Variants in NDUFA10 observed in about 807,000 individuals in gnomAD.
NDUFA10 encodes the protein NADH:ubiquinone oxidoreductase subunit A10.
Under a neutral mutation model 47.8 loss-of-function variants are expected in NDUFA10, and 40 were observed. That is an observed-to-expected ratio of 0.84 (90% CI 0.65 to 1.09). The LOEUF is 1.09. Ranked by LOEUF, NDUFA10 falls within the 50% of genes least tolerant of loss-of-function variation. The probability of loss-of-function intolerance (pLI) is 0.00; values close to 1 mark genes in which losing one functional copy is unlikely to be tolerated. For synonymous variants in NDUFA10, 183 were observed against 172.2 expected (o/e 1.06, Z -0.49); for missense variants, 413 against 451.1 (o/e 0.92, Z 0.76).
At chr2:239,965,106 C>T (rs556694023) in intron 9 of NDUFA10, among the ~76,000 whole-genome samples, 13 of 152,256 alleles carry the variant, frequency 8.5e-5, no homozygotes, top group South Asian at 4.1e-4. Context: ...TTCATCTTTG[C>T]AAATAGAATT....
chr2:239,986,011 G>A (rs930547273), intron 9 of NDUFA10, among the ~76,000 whole-genome samples: 1 of 151,518 alleles, frequency 6.6e-6, no homozygotes, highest in Non-Finnish European at 1.5e-5. Context: ...AGACGCACAT[G>A]CACACCTACT....
At chr2:240,017,827 G>A (rs569957118) in intron 4 of NDUFA10, 29 of 1,561,112 alleles carry the variant, frequency 1.9e-5, no homozygotes, top group South Asian at 4.7e-5. Flanking sequence ...GGCTTGCTTC[G>A]GCCTCCTCTT....
At chr2:239,963,167 C>G (rs1339715433) in intron 9 of NDUFA10, among the ~76,000 whole-genome samples, 1 of 152,174 alleles carries the variant, frequency 6.6e-6, no homozygotes, top group African/African-American at 2.4e-5. Flanking sequence ...AAAGAAAAAC[C>G]CAGCTCCTTC....
intron 6 of NDUFA10, among the ~76,000 whole-genome samples, chr2:240,010,215 CAGATA>C (rs1198233098): frequency 2.0e-5 from 3 of 152,190 alleles, no homozygotes; most frequent in African/African-American, 7.2e-5. Context: ...CTTGAGCTGT[CAGATA>C]AGATCTACTT....
intron 4 of NDUFA10, among the ~76,000 whole-genome samples, chr2:239,915,104 T>TAC (rs879260835): frequency 1.0e-5 from 1 of 95,890 alleles, no homozygotes. Context: ...TACACAAACA[T>TAC]ACACACACAC....
downstream of NDUFA10, among the ~76,000 whole-genome samples, chr2:239,954,964 C>T (rs1042953631): frequency 2.6e-5 from 4 of 152,190 alleles, no homozygotes; most frequent in African/African-American, 4.8e-5. Context: ...CTGTTGGCAA[C>T]GGGGATTTCT....
intron 4 of NDUFA10, among the ~76,000 whole-genome samples, chr2:239,934,260 G>A (rs571611498): frequency 2.6e-5 from 4 of 152,292 alleles, no homozygotes; most frequent in African/African-American, 9.6e-5. Flanking sequence ...CCTCCCACAT[G>A]TGATGACACC....
At chr2:239,963,010 A>C (rs922367223) in intron 9 of NDUFA10, among the ~76,000 whole-genome samples, 1 of 152,166 alleles carries the variant, frequency 6.6e-6, no homozygotes, top group African/African-American at 2.4e-5. Context: ...TGAGATCTGG[A>C]GGGACAGACA....
At chr2:240,005,684 G>A (rs772999153) in intron 7 of NDUFA10, among the ~76,000 whole-genome samples, 3 of 150,986 alleles carry the variant, frequency 2.0e-5, no homozygotes, top group Non-Finnish European at 4.4e-5. Flanking sequence ...TACATTATAA[G>A]CTATGAATAT....
Position 240,014,766 on chromosome 2 carries a change from G to C in NDUFA10, c.642C>G (p.Val214=). 1 of 1,614,172 alleles carries C rather than the reference G, an allele frequency of 6.2e-7. No individual in the cohort carries two copies. The highest frequency in any genetic ancestry group is 8.5e-7 in the Non-Finnish European group (1 of 1,180,032). ...VIYIDVPVPE[V]QRRIQKKGDP... ...CTCCTTTCTTCTGAATCCGCCTCTGGACCTCTGGAACGGGCACATCGATGT... is the reference window on the plus strand; with the variant it reads ...CTCCTTTCTTCTGAATCCGCCTCTGCACCTCTGGAACGGGCACATCGATGT... The change falls in exon 5 of 10, where the codon GTC becomes GTG. Residue 214 remains valine, a synonymous_variant. Transcript: ENST00000252711.
At chr2:240,000,022 G>A (rs1338238930) in intron 8 of NDUFA10, among the ~76,000 whole-genome samples, 1 of 152,184 alleles carries the variant, frequency 6.6e-6, no homozygotes, top group Non-Finnish European at 1.5e-5. Flanking sequence ...GCGGTGATGT[G>A]GCATTGACAA....
intron 4 of NDUFA10, among the ~76,000 whole-genome samples, chr2:239,903,159 A>G (rs567343050): frequency 6.6e-6 from 1 of 152,242 alleles, no homozygotes; most frequent in Admixed American, 6.5e-5. Context: ...TCCCAGGGTC[A>G]CAGCTGGACA....
chr2:240,025,203 C>G (rs761798068), intron 1 of NDUFA10, 24 bp downstream of exon 1: 1 of 1,470,694 alleles, frequency 6.8e-7, no homozygotes, highest in Non-Finnish European at 9.0e-7. Flanking sequence ...ACCCCGCCAC[C>G]CTGCCACCCC....
chr2:239,914,388 C>CACAT (rs1384001136), intron 4 of NDUFA10, among the ~76,000 whole-genome samples: 1 of 150,206 alleles, frequency 6.7e-6, no homozygotes, highest in South Asian at 2.1e-4. Flanking sequence ...ACAAAACACA[C>CACAT]ACATACATAC....
chr2:239,982,064 C>T, intron 9 of NDUFA10: 6 of 1,608,978 alleles, frequency 3.7e-6, no homozygotes, highest in Non-Finnish European at 5.1e-6. Flanking sequence ...GTGGAATGTC[C>T]TCAAATGCTG....
intron 4 of NDUFA10, among the ~76,000 whole-genome samples, chr2:239,939,128 C>T (rs981646553): frequency 1.3e-5 from 2 of 152,202 alleles, no homozygotes; most frequent in African/African-American, 4.8e-5. Flanking sequence ...GATCCTCGGA[C>T]CCGCGGACAG....
intron 5 of NDUFA10, chr2:240,013,355 T>A (rs950885968): frequency 6.6e-6 from 1 of 152,254 alleles, no homozygotes; most frequent in African/African-American, 2.4e-5. Context: ...TTGACAGCTC[T>A]ACTTTAGACC....
At chr2:239,967,396 C>T (rs1282227359) in intron 9 of NDUFA10, among the ~76,000 whole-genome samples, 1 of 152,242 alleles carries the variant, frequency 6.6e-6, no homozygotes, top group African/African-American at 2.4e-5. Context: ...CATGCATTTA[C>T]ACACTGGCTG....
At chr2:239,939,548 G>A (rs910229479) in intron 4 of NDUFA10, among the ~76,000 whole-genome samples, 1 of 152,208 alleles carries the variant, frequency 6.6e-6, no homozygotes, top group Non-Finnish European at 1.5e-5. Flanking sequence ...ATCATTTTGG[G>A]GGGATAAAGA....
Sources: allele counts gnomAD v4.1 joint callset (sites outside exome capture counted in the v4.1 genomes callset), GRCh38; gene constraint gnomAD v4.1.1; transcripts MANE v1.5; gene names NCBI Gene and HGNC (gene_info 2026-07-23, HGNC 2026-07-21).